YAE1: variants seen among roughly 807,000 people sequenced by gnomAD.
YAE1 encodes the protein protein YAE1 homolog.
A neutral mutation model predicts 23.0 loss-of-function variants in YAE1; 22 were observed. The observed-to-expected ratio is 0.96, with a 90% CI of 0.68 to 1.37. YAE1 has a LOEUF of 1.37. Ranked by LOEUF, YAE1 falls within the 40% of genes most tolerant of loss-of-function variation. The pLI is 0.00. For missense variants in YAE1, 260 were observed against 262.1 expected (o/e 0.99, Z 0.06); for synonymous variants, 101 against 97.0 (o/e 1.04, Z -0.24).
rs1030103530 is a variant in YAE1, at chr7:39,598,418, T to G, written c.252-11199T>G. 8.9e-4 allele frequency among the ~76,000 whole-genome samples: 135 copies of G among 151,816 alleles called. 1 individual carries two copies. The highest frequency in any genetic ancestry group is 3.1e-3 in the African/African-American group (130 of 41,334). On this transcript the variant is annotated intron_variant, in intron 2 of 2. Transcript: ENST00000432096. ...GCCACCGCACCTGGGCCAAGTTTTT[T>G]TTTTTTTTTTTAAGGAAGTGTTGAT...
At chr7:39,603,240 G>A (rs1393953691) in intron 2 of YAE1, among the ~76,000 whole-genome samples, 2 of 152,102 alleles carry the variant, frequency 1.3e-5, no homozygotes, top group Non-Finnish European at 2.9e-5. Context: ...CAGGGTTCAC[G>A]CCATTCTCCT....
chr7:39,591,523 A>T (rs1156430849), intron 2 of YAE1, among the ~76,000 whole-genome samples: 1 of 151,854 alleles, frequency 6.6e-6, no homozygotes, highest in East Asian at 1.9e-4. Flanking sequence ...AATAGACTTT[A>T]TTTTTTGGAG....
chr7:39,577,615 G>A (rs549338016), downstream of YAE1, among the ~76,000 whole-genome samples: 10 of 152,280 alleles, frequency 6.6e-5, no homozygotes, highest in East Asian at 5.8e-4. Context: ...TCAAATTCTC[G>A]CCAGGCCTCA....
At chr7:39,569,359 T>G (rs1360035115) in intron 1 of YAE1, 2 of 366,112 alleles carry the variant, frequency 5.5e-6, no homozygotes, top group Non-Finnish European at 1.1e-5. Flanking sequence ...AATCATGATA[T>G]TAAGATAACT....
chr7:39,610,312 T>G, exon 3 of YAE1: 1 of 490,054 alleles, frequency 2.0e-6, no homozygotes, highest in Non-Finnish European at 3.9e-6. Flanking sequence ...GTACCAGGTT[T>G]GACCTCAAGG....
intron 2 of YAE1, among the ~76,000 whole-genome samples, chr7:39,598,951 G>A (rs1358608334): frequency 6.6e-6 from 1 of 151,960 alleles, no homozygotes; most frequent in African/African-American, 2.4e-5. Flanking sequence ...TATAGCAATG[G>A]TATCTAGCTC....
At chr7:39,593,882 C>T (rs1201493693) in intron 2 of YAE1, among the ~76,000 whole-genome samples, 1 of 152,120 alleles carries the variant, frequency 6.6e-6, no homozygotes, top group Non-Finnish European at 1.5e-5. Context: ...TTGCTAATTA[C>T]AATATATGAA....
At chr7:39,601,642 C>A (rs1275217655) in intron 2 of YAE1, among the ~76,000 whole-genome samples, 2 of 151,650 alleles carry the variant, frequency 1.3e-5, no homozygotes, top group Admixed American at 1.3e-4. Context: ...CGCCTGTAGT[C>A]CAGCTGCTCG....
intron 2 of YAE1, among the ~76,000 whole-genome samples, chr7:39,598,784 C>CAAA (rs60563799): frequency 7.8e-5 from 6 of 77,146 alleles, no homozygotes; most frequent in Non-Finnish European, 6.6e-5. Flanking sequence ...GGTCCTGTCT[C>CAAA]AAAAAAAAAA....
intron 1 of YAE1, among the ~76,000 whole-genome samples, chr7:39,567,209 T>G (rs1790486168): frequency 6.6e-6 from 1 of 152,212 alleles, no homozygotes; most frequent in African/African-American, 2.4e-5. Context: ...AACCATTAAA[T>G]TGCCGCTAAA....
chr7:39,570,624 T>A lies in YAE1; in HGVS notation c.248T>A (p.Leu83Ter), dbSNP rs765008616. 2.5e-6 allele frequency: 4 copies of A among 1,590,382 alleles called. No individual in the cohort carries two copies. The highest frequency in any genetic ancestry group is 3.4e-6 in the Non-Finnish European group (4 of 1,174,814). Residue 83 changes from leucine (L) to a stop codon, truncating the protein, a stop_gained, in exon 2 of 3, where the codon TTG (leucine) becomes TAG (stop). Transcript: ENST00000223273. LOFTEE classifies it high-confidence loss of function. The stretch of plus-strand genomic sequence containing the variant: ...AACTATGGACGACTCCGAGGAACAT[T>A]GAGGTAATTTTTAAAGTCTAAATGC... ...ILNYGRLRGTLSALLSWCHLH... is the reference protein window; with the variant it reads ...ILNYGRLRGT
In YAE1 at chr7:39,570,607, A is replaced by G. The variant is rs1790550187; in HGVS notation, c.231A>G (p.Gly77=). Residue 77 remains glycine, a synonymous_variant, in exon 2 of 3, where the codon GGA becomes GGG. Transcript: ENST00000223273. The part of the protein sequence containing the change: ...KKGAEVILNY[G]RLRGTLSALL... ...GTGCAGAAGTCATTTTAAACTATGG[A>G]CGACTCCGAGGAACATTGAGGTAAT... 1.2e-6 allele frequency: 2 copies of G among 1,601,904 alleles called. No homozygotes were observed. The highest frequency in any genetic ancestry group is 1.8e-5 in the Admixed American group (1 of 55,700).
exon 3 of YAE1, chr7:39,609,669 G>A (rs756328663): frequency 6.5e-7 from 1 of 1,535,706 alleles, no homozygotes; most frequent in Non-Finnish European, 8.7e-7. Flanking sequence ...GAGGAGTCCG[G>A]AGGTTGGGAC....
At chr7:39,594,146 G>T (rs1410261683) in intron 2 of YAE1, among the ~76,000 whole-genome samples, 4 of 152,320 alleles carry the variant, frequency 2.6e-5, no homozygotes, top group Non-Finnish European at 5.9e-5. Context: ...TGAAATCTTT[G>T]TTCCATTCTT....
chr7:39,574,045 T>C (rs1790615533), downstream of YAE1, among the ~76,000 whole-genome samples: 2 of 152,242 alleles, frequency 1.3e-5, no homozygotes, highest in South Asian at 2.1e-4. Flanking sequence ...TTAATGTTGC[T>C]GTGCCGTGCA....
chr7:39,575,905 A>G (rs1210504926), downstream of YAE1, among the ~76,000 whole-genome samples: 2 of 152,170 alleles, frequency 1.3e-5, no homozygotes, highest in Non-Finnish European at 2.9e-5. Flanking sequence ...TTCACTGCTT[A>G]TACAATCCCT....
At chr7:39,583,888 C>G (rs1388497815) in intron 2 of YAE1, among the ~76,000 whole-genome samples, 1 of 152,210 alleles carries the variant, frequency 6.6e-6, no homozygotes, top group East Asian at 1.9e-4. Context: ...TGTAAAGAAT[C>G]TGCATATATG....
At chr7:39,593,283 C>G (rs536316106) in intron 2 of YAE1, among the ~76,000 whole-genome samples, 20 of 132,312 alleles carry the variant, frequency 1.5e-4, no homozygotes, top group African/African-American at 5.7e-4. Context: ...GTCCTGGGTT[C>G]GAGTTATTCA....
At chr7:39,571,887 C>A (rs946074511) in intron 2 of YAE1, among the ~76,000 whole-genome samples, 6 of 152,140 alleles carry the variant, frequency 3.9e-5, no homozygotes, top group Admixed American at 2.6e-4. Context: ...TTTGGTTGCA[C>A]CTTAACTCTG....
Sources: allele counts gnomAD v4.1 joint callset (sites outside exome capture counted in the v4.1 genomes callset), GRCh38; gene constraint gnomAD v4.1.1; transcripts MANE v1.5; gene names NCBI Gene and HGNC (gene_info 2026-07-23, HGNC 2026-07-21).